HOMER2: variants seen among roughly 807,000 people sequenced by gnomAD.
HOMER2 encodes homer protein homolog 2.
A neutral mutation model predicts 47.0 loss-of-function variants in HOMER2; 27 were observed. That is an observed-to-expected ratio of 0.57 (90% CI 0.42 to 0.79). HOMER2 has a LOEUF of 0.79. Ranked by LOEUF, HOMER2 falls within the 30% of genes least tolerant of loss-of-function variation. The pLI is 0.00. For synonymous variants in HOMER2, 161 were observed against 163.8 expected (o/e 0.98, Z 0.13); for missense variants, 443 against 435.0 (o/e 1.02, Z -0.16).
chr15:82,868,851 A>C (rs1486593731), intron 3 of HOMER2, among the ~76,000 whole-genome samples: 1 of 43,284 alleles, frequency 2.3e-5, no homozygotes, highest in Admixed American at 2.2e-4. Flanking sequence ...GCGCTCAGCT[A>C]TATATATATA....
At chr15:82,836,071 T>C (rs2051122551), downstream of HOMER2, 1 of 152,268 alleles carries the variant, frequency 6.6e-6, no homozygotes, top group Admixed American at 6.5e-5. Flanking sequence ...AGGATCCTTT[T>C]CAAAAGAACG....
chr15:82,954,686 C>G (rs1457490266), upstream of HOMER2, among the ~76,000 whole-genome samples: 1 of 152,086 alleles, frequency 6.6e-6, no homozygotes, highest in Non-Finnish European at 1.5e-5. Flanking sequence ...CATACTATGT[C>G]TATAGGTATA....
chr15:82,895,351 T>C (rs1458900155), intron 1 of HOMER2, among the ~76,000 whole-genome samples: 1 of 152,198 alleles, frequency 6.6e-6, no homozygotes, highest in African/African-American at 2.4e-5. Context: ...CTCACTGTAA[T>C]TTCCCGCATC....
chr15:82,874,923 A>G (rs906973699), intron 3 of HOMER2, among the ~76,000 whole-genome samples: 2 of 152,104 alleles, frequency 1.3e-5, no homozygotes, highest in African/African-American at 4.8e-5. Context: ...AGTCCTGAAA[A>G]CCCAATGGAT....
intron 3 of HOMER2, 45 bp downstream of exon 3, chr15:82,875,228 G>C (rs773471703): frequency 6.2e-7 from 1 of 1,601,550 alleles, no homozygotes; most frequent in Non-Finnish European, 8.5e-7. Flanking sequence ...GATGAGAATG[G>C]CATCTGATGC....
intron 1 of HOMER2, among the ~76,000 whole-genome samples, chr15:82,972,313 G>A (rs1168130498): frequency 6.6e-6 from 1 of 152,174 alleles, no homozygotes; most frequent in African/African-American, 2.4e-5. Flanking sequence ...TCTACCTGAA[G>A]GTGGGGTGCC....
chr15:82,977,163 G>C lies in HOMER2; in HGVS notation n.82+8624C>G, dbSNP rs1165276100. On this transcript the variant is annotated intron_variant and non_coding_transcript_variant, in intron 1 of 1. Coordinates refer to the HOMER2 transcript ENST00000500334. Reference sequence around the variant, plus strand: ...AAAATCAAGCAAATTATAGCAAAATGCTGAAAAAAAAAGTAATTTTTGCTG... The same window carrying C: ...AAAATCAAGCAAATTATAGCAAAATCCTGAAAAAAAAAGTAATTTTTGCTG... Among the ~76,000 whole-genome samples, 43 of 151,974 alleles carry C rather than the reference G, an allele frequency of 2.8e-4. 1 individual carries two copies. Among genetic ancestry groups the C allele is most frequent in the Admixed American group, 2.8e-3 (43 of 15,256 alleles).
At chr15:82,938,720 G>T (rs2054194790) in intron 1 of HOMER2, among the ~76,000 whole-genome samples, 1 of 152,148 alleles carries the variant, frequency 6.6e-6, no homozygotes, top group South Asian at 2.1e-4. Flanking sequence ...GCCTGCAAAT[G>T]GATTTGTGTT....
intron 2 of HOMER2, among the ~76,000 whole-genome samples, chr15:82,890,514 G>A (rs1043778522): frequency 6.6e-6 from 1 of 152,088 alleles, no homozygotes; most frequent in African/African-American, 2.4e-5. Flanking sequence ...CTGGACTAGC[G>A]CTGTGCCACA....
At chr15:82,860,853 C>T (rs1195193579) in intron 4 of HOMER2, among the ~76,000 whole-genome samples, 2 of 151,722 alleles carry the variant, frequency 1.3e-5, no homozygotes, top group African/African-American at 2.4e-5. Flanking sequence ...AGGAGGATCC[C>T]TTGAACCTGG....
At chr15:82,875,068 T>C (rs2052303178) in intron 3 of HOMER2, among the ~76,000 whole-genome samples, 1 of 152,176 alleles carries the variant, frequency 6.6e-6, no homozygotes. Flanking sequence ...ATTTGTTAGA[T>C]ACGAATTTCC....
At chr15:82,841,484 A>G (rs2051174958) in exon 2 of HOMER2, 1 of 151,910 alleles carries the variant, frequency 6.6e-6, no homozygotes, top group East Asian at 1.9e-4. Flanking sequence ...TTTTACACTA[A>G]GAGTCAAATT....
downstream of HOMER2, among the ~76,000 whole-genome samples, chr15:82,848,667 A>G (rs1386489541): frequency 1.3e-5 from 2 of 152,118 alleles, no homozygotes; most frequent in African/African-American, 4.8e-5. Context: ...AGACAATCCT[A>G]CCCTAGGTAC....
chr15:82,959,787 G>GT (rs1303018168), intron 1 of HOMER2, among the ~76,000 whole-genome samples: 1 of 152,166 alleles, frequency 6.6e-6, no homozygotes, highest in Non-Finnish European at 1.5e-5. Flanking sequence ...AGCCCCAAGA[G>GT]TTTAGGAACT....
At chr15:82,927,274 TA>T (rs146676586) in intron 1 of HOMER2, among the ~76,000 whole-genome samples, 2,021 of 152,250 alleles carry the variant, frequency 0.013, 54 homozygotes, top group African/African-American at 0.047. Context: ...CATGTCTCAT[TA>T]AAATGTAAGC....
chr15:82,848,644 G>T (rs76318684), downstream of HOMER2, among the ~76,000 whole-genome samples: 1,538 of 152,344 alleles, frequency 0.01, 18 homozygotes, highest in East Asian at 0.045. Flanking sequence ...CTTCCCAGCT[G>T]TCCAGACCCA....
At chr15:82,855,262 G>T (rs1298394549) in intron 5 of HOMER2, among the ~76,000 whole-genome samples, 1 of 133,564 alleles carries the variant, frequency 7.5e-6, no homozygotes, top group Non-Finnish European at 1.5e-5. Flanking sequence ...GGAGGTGGAG[G>T]TTGCAGTGAG....
At chr15:82,960,261 A>G (rs1322022348) in intron 1 of HOMER2, among the ~76,000 whole-genome samples, 2 of 152,212 alleles carry the variant, frequency 1.3e-5, no homozygotes, top group African/African-American at 4.8e-5. Flanking sequence ...AATTTTGGAC[A>G]TGCTGAGATG....
intron 2 of HOMER2, among the ~76,000 whole-genome samples, chr15:82,889,049 CA>C (rs1257017034): frequency 6.6e-6 from 1 of 152,106 alleles, no homozygotes; most frequent in African/African-American, 2.4e-5. Context: ...CTCAGAAGCT[CA>C]AAGTAATATA....
Sources: gnomAD v4.1 joint callset for allele counts (sites outside exome capture counted in the v4.1 genomes callset) on GRCh38, gnomAD v4.1.1 for gene constraint, MANE v1.5 for transcripts, NCBI Gene and HGNC (gene_info 2026-07-23, HGNC 2026-07-21) for gene names.